Variants in PRKAR2B observed in about 807,000 individuals in gnomAD.
PRKAR2B encodes the protein cAMP-dependent protein kinase type II-beta regulatory subunit.
PRKAR2B carries 14 observed loss-of-function variants against 49.9 expected under a neutral mutation model. The ratio of observed to expected loss-of-function variants is 0.28; its 90% CI spans 0.19 to 0.44. PRKAR2B has a LOEUF of 0.44. Among genes scored for constraint, PRKAR2B ranks in the 20% least tolerant of loss-of-function variants. The pLI is 1.00. For synonymous variants in PRKAR2B, 196 were observed against 197.7 expected (o/e 0.99, Z 0.07); for missense variants, 393 against 537.9 (o/e 0.73, Z 2.67).
At chr7:107,114,371 TG>T (rs1562861448) in intron 2 of PRKAR2B, among the ~76,000 whole-genome samples, 5 of 142,594 alleles carry the variant, frequency 3.5e-5, no homozygotes, top group African/African-American at 1.3e-4. Flanking sequence ...TGTGTGTGTG[TG>T]TGTGTTTGAG....
intron 2 of PRKAR2B, among the ~76,000 whole-genome samples, chr7:107,114,846 G>A (rs1194057881): frequency 6.6e-6 from 1 of 152,066 alleles, no homozygotes; most frequent in East Asian, 1.9e-4. Context: ...CCCTTAAAGA[G>A]TAGTGGTATA....
chr7:107,160,773 TAG>T lies in PRKAR2B; in HGVS notation c.*1193_*1194del, dbSNP rs1340201358. 3.9e-5 allele frequency: 6 copies of T among 152,202 alleles called. No homozygotes were observed. The highest frequency in any genetic ancestry group is 1.4e-4 in the African/African-American group (6 of 41,454). 9.4% of individuals were successfully genotyped at this position (152,202 alleles called of 1,614,324 possible). On this transcript the variant is annotated 3_prime_UTR_variant, in exon 11 of 11. Coordinates refer to ENST00000265717, the MANE Select transcript of PRKAR2B (RefSeq NM_002736.3). ...ATTAGGCCTTGCCATTGCTTTAATG[TAG>T]ACTCATAGTTGAAATTAGTGCAGAA...
chr7:107,094,274 A>G (rs1204530675), intron 2 of PRKAR2B, among the ~76,000 whole-genome samples: 2 of 152,082 alleles, frequency 1.3e-5, no homozygotes, highest in African/African-American at 4.8e-5. Context: ...GATGATGAAC[A>G]TTTTTTCACG....
intron 8 of PRKAR2B, 84 bp from the exon 9 acceptor site, chr7:107,156,900 C>A: frequency 8.5e-7 from 1 of 1,178,720 alleles, no homozygotes; most frequent in Non-Finnish European, 1.3e-6. Flanking sequence ...GGGGTTGGAT[C>A]AATTTTAGGG....
At chr7:107,048,959 T>C (rs1793752340) in intron 1 of PRKAR2B, among the ~76,000 whole-genome samples, 1 of 152,246 alleles carries the variant, frequency 6.6e-6, no homozygotes, top group African/African-American at 2.4e-5. Flanking sequence ...TGGCATCTAC[T>C]CTGTCTCCCT....
chr7:107,082,102 GGAAAACA>G (rs1018979905), intron 2 of PRKAR2B: 8 of 152,154 alleles, frequency 5.3e-5, no homozygotes, highest in African/African-American at 1.7e-4. Flanking sequence ...CAGGAGAAAT[GGAAAACA>G]GGTTTGCCTT....
chr7:107,078,968 C>T (rs17340577), intron 2 of PRKAR2B, among the ~76,000 whole-genome samples: 10,054 of 152,182 alleles, frequency 0.066, 463 homozygotes, highest in Middle Eastern at 0.15. Flanking sequence ...TTTTGCCAGT[C>T]GATGTGGAAG....
At chr7:107,133,967 A>T (rs938509086) in intron 4 of PRKAR2B, among the ~76,000 whole-genome samples, 1 of 152,064 alleles carries the variant, frequency 6.6e-6, no homozygotes, top group African/African-American at 2.4e-5. Context: ...TGCACATACA[A>T]ATATATTCTT....
intron 2 of PRKAR2B, among the ~76,000 whole-genome samples, chr7:107,073,185 A>T (rs930119455): frequency 1.3e-5 from 2 of 152,230 alleles, no homozygotes; most frequent in African/African-American, 4.8e-5. Flanking sequence ...TAATTTAAAC[A>T]AAACATTTCC....
chr7:107,117,047 C>G (rs1035864982), intron 2 of PRKAR2B, among the ~76,000 whole-genome samples: 2 of 148,134 alleles, frequency 1.4e-5, no homozygotes, highest in Non-Finnish European at 3.0e-5. Flanking sequence ...TACCCCCAGT[C>G]TTTTTGGACT....
chr7:107,066,358 G>A (rs1195086976), intron 1 of PRKAR2B, among the ~76,000 whole-genome samples: 1 of 150,116 alleles, frequency 6.7e-6, no homozygotes, highest in Non-Finnish European at 1.5e-5. Flanking sequence ...CACAGAATAA[G>A]AAAATCTAAA....
At chr7:107,140,561 ATGG>A (rs1385753046) in intron 4 of PRKAR2B, among the ~76,000 whole-genome samples, 1 of 152,200 alleles carries the variant, frequency 6.6e-6, no homozygotes, top group Non-Finnish European at 1.5e-5. Context: ...CACAAGGTAT[ATGG>A]TGGTTTGGTG....
At position 107,137,223 on chromosome 7, in the gene PRKAR2B, C is replaced by T. The variant is rs371117289; in HGVS notation, c.481-3624C>T. On this transcript the variant is annotated intron_variant, in intron 4 of 10. Transcript: ENST00000265717. ...GTCCCAGTTATGGCCTCTAGAACTA[C>T]TGATGTCATGGTTTGAACAGAAGAT... Among the ~76,000 whole-genome samples the T allele has an allele frequency of 1.1e-4, 17 of 152,346 alleles. No homozygotes were observed. In the South Asian group the frequency reaches 3.5e-3, roughly 32 times the overall value.
chr7:107,128,387 G>C, intron 4 of PRKAR2B, 92 bp downstream of exon 4: 1 of 901,760 alleles, frequency 1.1e-6, no homozygotes, highest in South Asian at 1.5e-5. Context: ...TGCCCTCTTT[G>C]TAAGCTGATC....
intron 1 of PRKAR2B, among the ~76,000 whole-genome samples, chr7:107,050,376 A>G (rs1793778268): frequency 7.7e-6 from 1 of 129,278 alleles, no homozygotes; most frequent in Non-Finnish European, 1.6e-5. Flanking sequence ...GATGCACATA[A>G]ATTGATGTGC....
At position 107,088,145 on chromosome 7, in the gene PRKAR2B, GGAAC is replaced by G. The variant is rs1304474830; in HGVS notation, c.343+17830_343+17833del. Among the ~76,000 whole-genome samples, 9 of 152,298 alleles carry G rather than the reference GGAAC, an allele frequency of 5.9e-5. No homozygotes were observed. In the East Asian group the frequency reaches 1.7e-3, roughly 29 times the overall value. On this transcript the variant is annotated intron_variant, in intron 2 of 10. Coordinates refer to ENST00000265717, the MANE Select transcript of PRKAR2B (RefSeq NM_002736.3). The stretch of plus-strand genomic sequence containing the variant: ...GGCACAGAGAAATTAACTGGTAGAA[GGAAC>G]CCACAGCTTATCAGGAGAGCAGTCA...
chr7:107,049,831 A>G (rs1380952267), intron 1 of PRKAR2B, among the ~76,000 whole-genome samples: 1 of 152,184 alleles, frequency 6.6e-6, no homozygotes, highest in Non-Finnish European at 1.5e-5. Flanking sequence ...GTTTTTGGCT[A>G]TTAGAGATTT....
intron 2 of PRKAR2B, among the ~76,000 whole-genome samples, chr7:107,083,182 G>T (rs1212447707): frequency 6.7e-6 from 1 of 149,872 alleles, no homozygotes; most frequent in Non-Finnish European, 1.5e-5. Context: ...GTGCTACTAC[G>T]CTCCAGCCTG....
chr7:107,117,970 A>C (rs546098883), intron 2 of PRKAR2B, among the ~76,000 whole-genome samples: 2 of 152,342 alleles, frequency 1.3e-5, no homozygotes, highest in East Asian at 3.9e-4. Flanking sequence ...TATAAGATTC[A>C]CTTAAAGAAT....
Sources: gnomAD v4.1 joint callset for allele counts (sites outside exome capture counted in the v4.1 genomes callset) on GRCh38, gnomAD v4.1.1 for gene constraint, MANE v1.5 for transcripts, NCBI Gene and HGNC (gene_info 2026-07-23, HGNC 2026-07-21) for gene names.